Variants in PPARA observed in about 807,000 individuals in gnomAD.
PPARA encodes the protein peroxisome proliferator-activated receptor alpha.
Under a neutral mutation model 42.2 loss-of-function variants are expected in PPARA, and 22 were observed. That is an observed-to-expected ratio of 0.52 (90% CI 0.37 to 0.74). The LOEUF (loss-of-function observed/expected upper bound fraction) is 0.74, where lower values mean the gene tolerates loss of function less well. Ranked by LOEUF, PPARA falls within the 30% of genes least tolerant of loss-of-function variation. PPARA has a pLI of 0.00. For synonymous variants in PPARA, 242 were observed against 239.3 expected, an observed-to-expected ratio of 1.01 and a Z score of -0.10; for missense variants, 465 against 608.2, an observed-to-expected ratio of 0.76 and a Z score of 2.48.
chr22:46,180,318 G>A lies in PPARA; in HGVS notation c.-43+3482G>A, dbSNP rs1040953480. Among the ~76,000 whole-genome samples, 2 of 151,790 alleles carry A rather than the reference G, an allele frequency of 1.3e-5. No homozygotes were observed. The highest frequency in any genetic ancestry group is 4.8e-5 in the African/African-American group (2 of 41,338). On this transcript the variant is annotated intron_variant, in intron 3 of 8. Transcript: ENST00000407236. This position sits in a 1 kb window ranked among gnomAD's most constrained non-coding sequence, Gnocchi z 4.2. ...AATAATAATAAAGGTAACAATAGCA[G>A]TAATAATAATAGAAATAATGATAGT...
rs992587339 is a variant in PPARA, at chr22:46,243,753, T to A, written c.*8373T>A. On this transcript the variant is annotated 3_prime_UTR_variant, in exon 9 of 9. Coordinates refer to ENST00000407236, the MANE Select transcript of PPARA (RefSeq NM_005036.6). This position sits in a 1 kb window ranked among gnomAD's most constrained non-coding sequence, Gnocchi z 5.0. ...TTAAAAAATAAACTATTTTTTAAAATTTTTTGGTGAGTTTTGAGTGATGCT... is the reference window on the plus strand; with the variant it reads ...TTAAAAAATAAACTATTTTTTAAAAATTTTTGGTGAGTTTTGAGTGATGCT... The A allele has an allele frequency of 2.1e-3, 313 of 152,258 alleles. 2 individuals carry two copies. Among genetic ancestry groups the A allele is most frequent in the Non-Finnish European group, 1.2e-3 (80 of 68,002 alleles). The allele number at this position is 152,258 out of a possible 1,614,324, so 9.4% of individuals were successfully genotyped here.
chr22:46,172,065 G>A (rs903834882), intron 2 of PPARA, among the ~76,000 whole-genome samples: 4 of 152,026 alleles, frequency 2.6e-5, no homozygotes, highest in Admixed American at 6.6e-5. Flanking sequence ...CAGCCGTGTC[G>A]CCTTGGGTGA....
At chr22:46,151,691 C>T (rs890380975) in intron 1 of PPARA, among the ~76,000 whole-genome samples, 197 bp from the exon 2 acceptor site, 1 of 152,246 alleles carries the variant, frequency 6.6e-6, no homozygotes, top group South Asian at 2.1e-4. Flanking sequence ...GGCCCCTCCT[C>T]TCCCAGCCTC....
At position 46,241,218 on chromosome 22, in the gene PPARA, T is replaced by C. The variant is rs1936362564; in HGVS notation, c.*5838T>C. The C allele has an allele frequency of 6.6e-6, 1 of 152,144 alleles. No homozygotes were observed. Among genetic ancestry groups the C allele is most frequent in the Admixed American group, 6.5e-5 (1 of 15,272 alleles). 9.4% of individuals were successfully genotyped at this position (152,144 alleles called of 1,614,324 possible). ...GTTGAGGCCTAGGTTTTTGCTGGGATTTAGATATTTTCAGGCACCATTTTG... is the reference window on the plus strand; with the variant it reads ...GTTGAGGCCTAGGTTTTTGCTGGGACTTAGATATTTTCAGGCACCATTTTG... On this transcript the variant is annotated 3_prime_UTR_variant, in exon 9 of 9. Transcript: ENST00000407236. This position sits in a 1 kb window ranked among gnomAD's most constrained non-coding sequence, Gnocchi z 5.7.
At position 46,182,516 on chromosome 22, in the gene PPARA, C is replaced by A. The variant is rs1238048800; in HGVS notation, c.-43+5680C>A. ...ATAAAACTAGAAAGTACAAACTAAT[C>A]TGTAATGACAGGAAGCAGACCAGTG... On this transcript the variant is annotated intron_variant, in intron 3 of 8. Transcript: ENST00000407236. The surrounding 1 kb of genome is among the most constrained non-coding windows in gnomAD (Gnocchi z 5.2). Among the ~76,000 whole-genome samples the A allele has an allele frequency of 1.3e-5, 2 of 152,096 alleles. No individual in the cohort carries two copies. The highest frequency in any genetic ancestry group is 4.8e-5 in the African/African-American group (2 of 41,410).
At chr22:46,198,691 C>G in intron 4 of PPARA, 100 bp downstream of exon 4, 2 of 1,205,312 alleles carry the variant, frequency 1.7e-6, no homozygotes, top group Non-Finnish European at 2.3e-6. Context: ...GACGGAGTCT[C>G]GCTCTGTCGC....
In PPARA at chr22:46,212,760, C is replaced by A. The variant is rs1934062762; in HGVS notation, c.209-2413C>A. Among the ~76,000 whole-genome samples the A allele has an allele frequency of 6.6e-6, 1 of 152,182 alleles. No homozygotes were observed. Among genetic ancestry groups the A allele is most frequent in the African/African-American group, 2.4e-5 (1 of 41,434 alleles). On this transcript the variant is annotated intron_variant, in intron 4 of 8. Coordinates refer to ENST00000407236, the MANE Select transcript of PPARA (RefSeq NM_005036.6). The surrounding 1 kb of genome is among the most constrained non-coding windows in gnomAD (Gnocchi z 4.2). ...CCTGTAATCCCAGCATTTTGGGAGGCCAAGGCGGGCAGATCACTTGAGGTC... is the reference window on the plus strand; with the variant it reads ...CCTGTAATCCCAGCATTTTGGGAGGACAAGGCGGGCAGATCACTTGAGGTC...
At chr22:46,176,446 A>C (rs964189228) in intron 2 of PPARA, among the ~76,000 whole-genome samples, 3 of 152,150 alleles carry the variant, frequency 2.0e-5, no homozygotes, top group Admixed American at 2.0e-4. Context: ...AGATCATGCC[A>C]CTGCACTCCA....
At chr22:46,201,137 A>G (rs1569222146) in intron 4 of PPARA, among the ~76,000 whole-genome samples, 1 of 151,992 alleles carries the variant, frequency 6.6e-6, no homozygotes, top group Non-Finnish European at 1.5e-5. Context: ...AAAAAAAAAA[A>G]AAAAAAGTAA....
Position 46,182,049 on chromosome 22 carries a change from T to C in PPARA, c.-43+5213T>C, listed in dbSNP as rs1020405129. Among the ~76,000 whole-genome samples, 5 of 152,232 alleles carry C rather than the reference T, an allele frequency of 3.3e-5. No individual in the cohort carries two copies. The highest frequency in any genetic ancestry group is 1.2e-4 in the African/African-American group (5 of 41,466). ...TTAGTAGAGACGGGGTTTTGCCACA[T>C]TGGCCAGGCTGGTCTTGAACTCCTG... On this transcript the variant is annotated intron_variant, in intron 3 of 8. Coordinates refer to ENST00000407236, the MANE Select transcript of PPARA (RefSeq NM_005036.6). This position sits in a 1 kb window ranked among gnomAD's most constrained non-coding sequence, Gnocchi z 5.2.
chr22:46,151,313 G>A (rs1924387297), intron 1 of PPARA: 1 of 152,256 alleles, frequency 6.6e-6, no homozygotes, highest in Non-Finnish European at 1.5e-5. Flanking sequence ...GCTGGGCCGG[G>A]TGGCTTCTCT....
In PPARA at chr22:46,234,143, A is replaced by G. The variant is rs1427537390; in HGVS notation, c.1160-990A>G. ...CCGGCAATAATTCCTCTCTTTAGAG[A>G]CTTAATAGTTATAGCCCCAGCCACT... On this transcript the variant is annotated intron_variant, in intron 8 of 8. Coordinates refer to ENST00000407236, the MANE Select transcript of PPARA (RefSeq NM_005036.6). This position sits in a 1 kb window ranked among gnomAD's most constrained non-coding sequence, Gnocchi z 5.8. 6.6e-6 allele frequency among the ~76,000 whole-genome samples: 1 copy of G among 152,048 alleles called. No homozygotes were observed. The highest frequency in any genetic ancestry group is 1.5e-5 in the Non-Finnish European group (1 of 67,998).
At chr22:46,175,074 C>T (rs1309323894) in intron 2 of PPARA, among the ~76,000 whole-genome samples, 1 of 151,820 alleles carries the variant, frequency 6.6e-6, no homozygotes, top group Non-Finnish European at 1.5e-5. Flanking sequence ...ACACCTGGCT[C>T]GTTTTTATAT....
In PPARA at chr22:46,234,729, T is replaced by C. The variant is rs902687102; in HGVS notation, c.1160-404T>C. Reference sequence around the variant, plus strand: ...ATGGTGGAACACTTGAAGCTTGATATCTAGTTTGGATTCAAAAGCTTCATT... The same window carrying C: ...ATGGTGGAACACTTGAAGCTTGATACCTAGTTTGGATTCAAAAGCTTCATT... On this transcript the variant is annotated intron_variant, in intron 8 of 8. Coordinates refer to ENST00000407236, the MANE Select transcript of PPARA (RefSeq NM_005036.6). The surrounding 1 kb of genome is among the most constrained non-coding windows in gnomAD (Gnocchi z 5.8). Among the ~76,000 whole-genome samples the C allele has an allele frequency of 1.3e-5, 2 of 152,194 alleles. No individual in the cohort carries two copies. Among genetic ancestry groups the C allele is most frequent in the Admixed American group, 6.5e-5 (1 of 15,276 alleles).
intron 2 of PPARA, among the ~76,000 whole-genome samples, chr22:46,157,892 G>A (rs1925562108): frequency 6.6e-6 from 1 of 151,116 alleles, no homozygotes; most frequent in African/African-American, 2.5e-5. Context: ...AAAGAGGAGT[G>A]AAGATTTCTA....
In PPARA at chr22:46,231,706, C is replaced by T. The variant is rs4253772; in HGVS notation, c.712-86C>T. The T allele has an allele frequency of 0.096, 132,296 of 1,377,132 alleles. 7,188 individuals carry two copies. The highest frequency in any genetic ancestry group is 0.11 in the Non-Finnish European group (108,372 of 986,366). The allele number at this position is 1,377,132 out of a possible 1,614,324, so 85.3% of individuals were successfully genotyped here. A position where few individuals can be genotyped will look rare whatever the true frequency, so the allele number is the denominator to read the frequency against. The stretch of plus-strand genomic sequence containing the variant: ...GAGGCACTGAGCTTGGTGATTTGGA[C>T]GCAGGAGCTGCTCATTAGTGAGCTG... On this transcript the variant is annotated intron_variant, in intron 7 of 8. Transcript: ENST00000407236. This position sits in a 1 kb window ranked among gnomAD's most constrained non-coding sequence, Gnocchi z 7.7.
chr22:46,226,225 A>G (rs765758944), intron 7 of PPARA, among the ~76,000 whole-genome samples: 28 of 151,966 alleles, frequency 1.8e-4, no homozygotes, highest in Non-Finnish European at 3.7e-4. Context: ...GCTCACACAC[A>G]CGTGCACACA....
In PPARA at chr22:46,158,492, G is replaced by C. The variant is rs1488860658; in HGVS notation, c.-127+6522G>C. ...CAAATTGCCAAGTTTCAGTAAAAGA[G>C]ACCCAGTTATTTAGAGGTTGACACG... On this transcript the variant is annotated intron_variant, in intron 2 of 8. Coordinates refer to ENST00000407236, the MANE Select transcript of PPARA (RefSeq NM_005036.6). 2.0e-5 allele frequency among the ~76,000 whole-genome samples: 3 copies of C among 152,206 alleles called. No homozygotes were observed. The East Asian group carries it at 5.8e-4, about 29-fold the overall frequency.
intron 6 of PPARA, among the ~76,000 whole-genome samples, chr22:46,218,912 C>T (rs1316578412): frequency 6.7e-6 from 1 of 150,018 alleles, no homozygotes; most frequent in African/African-American, 2.5e-5. Flanking sequence ...CCTGTAATCC[C>T]AGCACTTTGG....
Sources: gnomAD v4.1 joint callset for allele counts (sites outside exome capture counted in the v4.1 genomes callset) on GRCh38, gnomAD v4.1.1 for gene constraint, Gnocchi (gnomAD v3.1) non-coding constraint, MANE v1.5 for transcripts, NCBI Gene and HGNC (gene_info 2026-07-23, HGNC 2026-07-21) for gene names.